DGKH: variants seen among roughly 807,000 people sequenced by gnomAD.
DGKH encodes the protein diacylglycerol kinase eta, also known as DAG kinase eta.
DGKH carries 90 observed loss-of-function variants against 159.3 expected under a neutral mutation model. The observed-to-expected ratio is 0.57, with a 90% CI of 0.48 to 0.67. The LOEUF is 0.67. Among genes scored for constraint, DGKH ranks in the 30% least tolerant of loss-of-function variants. The pLI is 0.00. For missense variants in DGKH, 1,181 were observed against 1,506.1 expected (o/e 0.78, Z 3.57); for synonymous variants, 536 against 553.8 (o/e 0.97, Z 0.45).
intron 29 of DGKH, among the ~76,000 whole-genome samples, chr13:42,225,507 G>T (rs890477401): frequency 2.7e-4 from 41 of 152,094 alleles, no homozygotes; most frequent in African/African-American, 9.7e-4. Context: ...AGGCGAGGTG[G>T]CTTATCCCTG....
rs192143266 is a variant in DGKH at position 42,098,945 on chromosome 13, C to T, written c.193-28518C>T. Among the ~76,000 whole-genome samples the T allele has an allele frequency of 6.2e-4, 95 of 152,270 alleles. 1 individual carries two copies. Among genetic ancestry groups the T allele is most frequent in the African/African-American group, 2.3e-3 (94 of 41,548 alleles). ...AAGAGTTTTCTTGTTGGAAAAATTA[C>T]AAATTCATAGGAAACATGATTAAAT... On this transcript the variant is annotated intron_variant, in intron 1 of 29. Coordinates refer to ENST00000337343, the MANE Select transcript of DGKH (RefSeq NM_178009.5).
intron 29 of DGKH, among the ~76,000 whole-genome samples, chr13:42,223,025 G>A (rs2138257489): frequency 6.6e-6 from 1 of 152,188 alleles, no homozygotes; most frequent in East Asian, 1.9e-4. Flanking sequence ...TATTTTTAAT[G>A]CAAATTACAT....
chr13:42,104,869 C>A (rs767405631), intron 1 of DGKH, among the ~76,000 whole-genome samples: 8 of 151,972 alleles, frequency 5.3e-5, no homozygotes, highest in Non-Finnish European at 8.8e-5. Context: ...CATTCTTCTA[C>A]CATAGGAAAG....
intron 1 of DGKH, among the ~76,000 whole-genome samples, chr13:42,052,258 G>T (rs1218217149): frequency 1.3e-5 from 2 of 152,160 alleles, no homozygotes; most frequent in African/African-American, 4.8e-5. Flanking sequence ...ACTCCATACA[G>T]TATACTTTTT....
chr13:42,111,926 G>A (rs138780004), intron 1 of DGKH, among the ~76,000 whole-genome samples: 1 of 152,254 alleles, frequency 6.6e-6, no homozygotes, highest in African/African-American at 2.4e-5. Flanking sequence ...TTATACCTGG[G>A]TTGAGCATGG....
intron 3 of DGKH, chr13:42,140,950 C>CT (rs1175860044): frequency 2.0e-5 from 3 of 147,038 alleles, no homozygotes; most frequent in Admixed American, 1.4e-4. Context: ...TTTTATTATA[C>CT]TTTAAGTTTT....
intron 13 of DGKH, among the ~76,000 whole-genome samples, chr13:42,184,431 A>G (rs921962941): frequency 2.0e-5 from 3 of 152,194 alleles, no homozygotes; most frequent in Non-Finnish European, 4.4e-5. Flanking sequence ...TATAGTAGAG[A>G]TGATAGTGGA....
chr13:42,053,401 T>C (rs1881474084), intron 1 of DGKH, among the ~76,000 whole-genome samples: 1 of 147,562 alleles, frequency 6.8e-6, no homozygotes, highest in African/African-American at 2.5e-5. Flanking sequence ...TATGTAACTG[T>C]ATATATATAA....
In DGKH at chr13:42,189,276, G is replaced by A. The variant is rs780091200; in HGVS notation, c.1879G>A (p.Ala627Thr). The stretch of plus-strand genomic sequence containing the variant: ...GTTGCGGGCAAATAGTTTAAAGAAA[G>A]CAGTGAGGCAAGTCATTGAGGAAGC... Reference protein sequence around the residue: ...IMLRANSLKKAVRQVIEEAGK... With the variant: ...IMLRANSLKKTVRQVIEEAGK... Residue 627 changes from alanine (A) to threonine (T), a missense_variant, in exon 15 of 30, where the codon GCA (alanine) becomes ACA (threonine). Ala to Thr is a moderately conservative substitution (Grantham distance 58). Around this residue, in one of 5 missense-constraint regions of DGKH, gnomAD observed 257 missense variants for 281.5 expected, o/e 0.91. Coordinates refer to ENST00000337343, the MANE Select transcript of DGKH (RefSeq NM_178009.5). 3.7e-6 allele frequency: 6 copies of A among 1,614,212 alleles called. No individual in the cohort carries two copies. Among genetic ancestry groups the A allele is most frequent in the Non-Finnish European group, 5.1e-6 (6 of 1,180,026 alleles).
intron 1 of DGKH, among the ~76,000 whole-genome samples, chr13:42,078,767 A>G (rs1954144529): frequency 6.6e-6 from 1 of 152,204 alleles, no homozygotes; most frequent in Non-Finnish European, 1.5e-5. Context: ...CTTTCTATGC[A>G]TATAGACAGA....
chr13:42,144,905 T>G (rs1955682336), intron 3 of DGKH, among the ~76,000 whole-genome samples: 1 of 152,224 alleles, frequency 6.6e-6, no homozygotes, highest in South Asian at 2.1e-4. Flanking sequence ...TGGCCATTCC[T>G]AGTGAATCCT....
At chr13:42,156,709 G>A (rs745885998) in intron 5 of DGKH, among the ~76,000 whole-genome samples, 48 of 151,992 alleles carry the variant, frequency 3.2e-4, no homozygotes, top group African/African-American at 6.3e-4. Flanking sequence ...CAAAAATTTC[G>A]TAATTTGGAA....
intron 1 of DGKH, among the ~76,000 whole-genome samples, chr13:42,088,981 A>T (rs936839365): frequency 6.6e-6 from 1 of 152,202 alleles, no homozygotes; most frequent in Non-Finnish European, 1.5e-5. Flanking sequence ...TTAATATCAG[A>T]CAAAATAGAC....
intron 7 of DGKH, among the ~76,000 whole-genome samples, chr13:42,164,316 G>T (rs1427644311): frequency 6.6e-6 from 1 of 152,044 alleles, no homozygotes; most frequent in Non-Finnish European, 1.5e-5. Flanking sequence ...TTTGCTCCAT[G>T]GTTCTTATAC....
chr13:42,215,680 A>T lies in DGKH; in HGVS notation c.3213+13A>T. The stretch of plus-strand genomic sequence containing the variant: ...CAGGGTTCCTTTGGTAAGGAAAAGA[A>T]TGACTGGTAACATAAGAATGATGAA... On this transcript the variant is annotated intron_variant, in intron 26 of 29. Transcript: ENST00000337343. The T allele has an allele frequency of 6.3e-7, 1 of 1,597,094 alleles. No homozygotes were observed. The highest frequency in any genetic ancestry group is 8.6e-7 in the Non-Finnish European group (1 of 1,167,416).
chr13:42,206,975 T>TTC (rs1555275939), intron 21 of DGKH, among the ~76,000 whole-genome samples: 5 of 82,310 alleles, frequency 6.1e-5, no homozygotes, highest in African/African-American at 2.5e-4. Context: ...TACTTTTACT[T>TTC]TTTCTTTCTT....
chr13:42,048,755 C>A lies in DGKH; in HGVS notation c.-19C>A. On this transcript the variant is annotated 5_prime_UTR_variant, in exon 1 of 30. Coordinates refer to ENST00000337343, the MANE Select transcript of DGKH (RefSeq NM_178009.5). The surrounding 1 kb of genome is among the most constrained non-coding windows in gnomAD (Gnocchi z 6.7). ...CGCCCCCGCCGGGCGGTGCTGTGTCCCCGCAGGAGTCGGAGAGGATGGCAG... is the reference window on the plus strand; with the variant it reads ...CGCCCCCGCCGGGCGGTGCTGTGTCACCGCAGGAGTCGGAGAGGATGGCAG... 1 of 1,268,240 alleles carries A rather than the reference C, an allele frequency of 7.9e-7. No homozygotes were observed. Among genetic ancestry groups the A allele is most frequent in the Non-Finnish European group, 1.0e-6 (1 of 1,000,816 alleles). The allele number at this position is 1,268,240 out of a possible 1,614,324, so 78.6% of individuals were successfully genotyped here.
intron 12 of DGKH, among the ~76,000 whole-genome samples, chr13:42,174,354 A>G (rs1212479334): frequency 6.6e-6 from 1 of 152,106 alleles, no homozygotes; most frequent in Non-Finnish European, 1.5e-5. Flanking sequence ...TTCCATGACC[A>G]CCCACACCGG....
At chr13:42,146,513 T>C (rs957201963) in intron 3 of DGKH, among the ~76,000 whole-genome samples, 2 of 152,182 alleles carry the variant, frequency 1.3e-5, no homozygotes, top group South Asian at 4.1e-4. Context: ...ACAACCCAAA[T>C]GCACAAGTTA....
Sources: gnomAD v4.1 joint callset for allele counts (sites outside exome capture counted in the v4.1 genomes callset) on GRCh38, gnomAD v4.1.1 for gene constraint, gnomAD v4.1.1 regional missense constraint, Gnocchi (gnomAD v3.1) non-coding constraint, MANE v1.5 for transcripts, NCBI Gene and HGNC (gene_info 2026-07-23, HGNC 2026-07-21) for gene names.